Variants in C17orf107 observed in about 807,000 individuals in gnomAD.
The protein encoded by C17orf107 is chromosome 17 open reading frame 107.
A neutral mutation model predicts 8.9 loss-of-function variants in C17orf107; 9 were observed. The ratio of observed to expected loss-of-function variants is 1.02; its 90% CI spans 0.61 to 1.77. C17orf107 has a LOEUF of 1.77. Ranked by LOEUF, C17orf107 falls within the 40% of genes most tolerant of loss-of-function variation. The pLI is 0.00. For missense variants in C17orf107, 281 were observed against 249.0 expected, an observed-to-expected ratio of 1.13 and a Z score of -0.86; for synonymous variants, 139 against 120.3, an observed-to-expected ratio of 1.16 and a Z score of -1.02.
chr17:4,900,586 G>GAGCT lies in C17orf107; in HGVS notation c.*55_*58dup. 6.5e-7 allele frequency: 1 copy of GAGCT among 1,546,574 alleles called. No individual in the cohort carries two copies. The highest frequency in any genetic ancestry group is 1.4e-5 in the African/African-American group (1 of 73,136). Reference sequence around the variant, plus strand: ...CACTGAGCCGGACTGTCCCCCAAGAGAGCTACTCGGGAGACCTCCAGGTGA... The same window carrying GAGCT: ...CACTGAGCCGGACTGTCCCCCAAGAGAGCTAGCTACTCGGGAGACCTCCAGGTGA... On this transcript the variant is annotated 3_prime_UTR_variant, in exon 3 of 3. Transcript: ENST00000381365.
chr17:4,903,926 C>T (rs1056006864), downstream of C17orf107, among the ~76,000 whole-genome samples: 4 of 152,268 alleles, frequency 2.6e-5, no homozygotes, highest in African/African-American at 4.8e-5. Context: ...GGCATGATCT[C>T]GGCTCACTGC....
chr17:4,900,000 T>C lies in C17orf107; in HGVS notation c.131T>C (p.Leu44Pro), dbSNP rs1251350118. 6 of 1,551,392 alleles carry C rather than the reference T, an allele frequency of 3.9e-6. No homozygotes were observed. The highest frequency in any genetic ancestry group is 2.4e-5 in the East Asian group (1 of 40,934). The stretch of plus-strand genomic sequence containing the variant: ...TCCGTGGCCGCAGCCCATGAATATC[T>C]GGAGCAGAGGTTCAGAGAGCTGAAG... ...ELSVAAAHEYLEQRFRELKSL... is the reference protein window; with the variant it reads ...ELSVAAAHEYPEQRFRELKSL... Residue 44 changes from leucine (L) to proline (P), a missense_variant, in exon 2 of 3, where the codon CTG becomes CCG. Leu to Pro is a moderately conservative substitution (Grantham distance 98, BLOSUM62 -3). Coordinates refer to ENST00000381365, the MANE Select transcript of C17orf107 (RefSeq NM_001145536.2).
At position 4,900,583 on chromosome 17, in the gene C17orf107, A is replaced by G; in HGVS notation, c.*50A>G. On this transcript the variant is annotated 3_prime_UTR_variant, in exon 3 of 3. Transcript: ENST00000381365. ...AGGCACTGAGCCGGACTGTCCCCCA[A>G]GAGAGCTACTCGGGAGACCTCCAGG... The G allele has an allele frequency of 6.5e-7, 1 of 1,547,728 alleles. No homozygotes were observed. Among genetic ancestry groups the G allele is most frequent in the Non-Finnish European group, 8.7e-7 (1 of 1,145,282 alleles).
chr17:4,900,953 G>T lies in C17orf107; in HGVS notation c.*420G>T. 1.2e-6 allele frequency: 2 copies of T among 1,613,840 alleles called. No individual in the cohort carries two copies. Among genetic ancestry groups the T allele is most frequent in the Non-Finnish European group, 1.7e-6 (2 of 1,179,752 alleles). On this transcript the variant is annotated 3_prime_UTR_variant, in exon 3 of 3. Transcript: ENST00000381365. ...AGCGGGCCCCGCCTCCCGGGAGCGA[G>T]CCCGGGTTTGGGGGTAGGTTCGGGG...
chr17:4,904,575 C>T (rs1487782097), downstream of C17orf107, among the ~76,000 whole-genome samples: 2 of 152,170 alleles, frequency 1.3e-5, no homozygotes, highest in Non-Finnish European at 2.9e-5. Flanking sequence ...TTCCTCACAG[C>T]AGTCCAGCAA....
rs1367485574 is a variant in C17orf107, at chr17:4,899,791, C to T, written c.29C>T (p.Thr10Ile). 2 of 1,551,320 alleles carry T rather than the reference C, an allele frequency of 1.3e-6. No individual in the cohort carries two copies. The highest frequency in any genetic ancestry group is 2.4e-5 in the South Asian group (2 of 84,062). ...AAGGGGACCCCCAGCTCCCTGGACA[C>T]CCTGATGTGGATCTACCACTTCCAC... MKGTPSSLDTLMWIYHFHSS... is the reference protein window; with the variant it reads MKGTPSSLDILMWIYHFHSS... Residue 10 changes from threonine (T) to isoleucine (I), a missense_variant, in exon 1 of 3, where the codon ACC becomes ATC. Thr to Ile is a moderately conservative substitution (Grantham distance 89, BLOSUM62 -1). Coordinates refer to ENST00000381365, the MANE Select transcript of C17orf107 (RefSeq NM_001145536.2).
downstream of C17orf107, among the ~76,000 whole-genome samples, chr17:4,905,285 A>G (rs370402829): frequency 2.7e-4 from 41 of 152,328 alleles, 1 homozygote; most frequent in East Asian, 7.5e-3. Context: ...ACAGTGGCTC[A>G]TGCCTGTAAT....
At chr17:4,903,628 T>C (rs74828726), downstream of C17orf107, among the ~76,000 whole-genome samples, 652 of 152,170 alleles carry the variant, frequency 4.3e-3, 5 homozygotes, top group African/African-American at 0.014. Flanking sequence ...AGAGATTCCA[T>C]CTAGCAAAGG....
At chr17:4,903,162 C>T (rs528672788), downstream of C17orf107, 44 of 1,220,540 alleles carry the variant, frequency 3.6e-5, no homozygotes, top group Middle Eastern at 4.1e-4. Flanking sequence ...TAGTTCCGGG[C>T]TGTTAGGGGA....
chr17:4,902,944 CTGTCTT>C, downstream of C17orf107: 4 of 1,603,612 alleles, frequency 2.5e-6, no homozygotes, highest in South Asian at 4.4e-5. The surrounding 1 kb of genome is among the most constrained non-coding windows in gnomAD (Gnocchi z 4.0). Context: ...ATCTTGGTCT[CTGTCTT>C]TGTCTTCCCA....
In C17orf107 at chr17:4,901,082, C is replaced by A. The variant is rs201434993; in HGVS notation, c.*549C>A. On this transcript the variant is annotated 3_prime_UTR_variant, in exon 3 of 3. Coordinates refer to ENST00000381365, the MANE Select transcript of C17orf107 (RefSeq NM_001145536.2). ...AATGACGTAGAAGAGCGGCTTCCGG[C>A]GGATGATGAGCGAGTAGATGACGTC... The A allele has an allele frequency of 9.9e-5, 160 of 1,613,702 alleles. No individual in the cohort carries two copies. The highest frequency in any genetic ancestry group is 1.6e-4 in the Middle Eastern group (1 of 6,084).
chr17:4,900,039 C>G lies in C17orf107; in HGVS notation c.170C>G (p.Pro57Arg). 6.4e-7 allele frequency: 1 copy of G among 1,551,384 alleles called. No individual in the cohort carries two copies. Among genetic ancestry groups the G allele is most frequent in the Non-Finnish European group, 8.7e-7 (1 of 1,147,002 alleles). ...RFRELKSLEP[P>R]EPKMQGMLPA... ...AGAGAGCTGAAGTCCCTGGAGCCAC[C>G]CGAACCGAAGATGCAGGGGATGCTG... The change falls in exon 2 of 3, where the codon CCC (proline) becomes CGC (arginine). Residue 57 changes from proline (P) to arginine (R), a missense_variant. Physicochemically the swap from Pro to Arg is moderately radical, Grantham distance 103. Coordinates refer to ENST00000381365, the MANE Select transcript of C17orf107 (RefSeq NM_001145536.2).
chr17:4,906,609 C>A (rs1374011730), downstream of C17orf107, among the ~76,000 whole-genome samples: 1 of 151,996 alleles, frequency 6.6e-6, no homozygotes, highest in African/African-American at 2.4e-5. Flanking sequence ...TTGGTCATCA[C>A]TGGGAGGCTG....
Position 4,902,420 on chromosome 17 carries a change from A to T in C17orf107, c.*1887A>T, listed in dbSNP as rs747504680. 1.9e-5 allele frequency: 31 copies of T among 1,614,046 alleles called. No homozygotes were observed. Among genetic ancestry groups the T allele is most frequent in the Non-Finnish European group, 1.9e-5 (22 of 1,179,982 alleles). ...GGGGAAAAGGGGTGCCCTGGACAAG[A>T]CCTCACACCATTCCCCAGATTTGAC... On this transcript the variant is annotated 3_prime_UTR_variant, in exon 3 of 3. Transcript: ENST00000381365. The surrounding 1 kb of genome is among the most constrained non-coding windows in gnomAD (Gnocchi z 4.0).
chr17:4,901,987 C>A lies in C17orf107; in HGVS notation c.*1454C>A, dbSNP rs1288673136. ...AAGGGGAAGTAGGTGACCTCCACTG[C>A]GCAGACGCTGCGGTAGATGGCCGGA... On this transcript the variant is annotated 3_prime_UTR_variant, in exon 3 of 3. Coordinates refer to ENST00000381365, the MANE Select transcript of C17orf107 (RefSeq NM_001145536.2). 2 of 1,614,114 alleles carry A rather than the reference C, an allele frequency of 1.2e-6. No homozygotes were observed. The highest frequency in any genetic ancestry group is 2.2e-5 in the East Asian group (1 of 44,878).
chr17:4,904,700 C>T (rs2661697), downstream of C17orf107, among the ~76,000 whole-genome samples: 116,208 of 152,106 alleles, frequency 0.76, 45,952 homozygotes, highest in East Asian at 0.91. Flanking sequence ...ATTGATCTCG[C>T]ACACCTGTGT....
chr17:4,900,810 G>T lies in C17orf107; in HGVS notation c.*277G>T, dbSNP rs747224472. On this transcript the variant is annotated 3_prime_UTR_variant, in exon 3 of 3. Transcript: ENST00000381365. Reference sequence around the variant, plus strand: ...GGCTTCACCTGCCCAGGAGCGGCACGCTCAGAGAAGTCTCTGGGATTTTCT... The same window carrying T: ...GGCTTCACCTGCCCAGGAGCGGCACTCTCAGAGAAGTCTCTGGGATTTTCT... The T allele has an allele frequency of 1.9e-6, 3 of 1,613,948 alleles. No individual in the cohort carries two copies. Among genetic ancestry groups the T allele is most frequent in the Non-Finnish European group, 2.5e-6 (3 of 1,179,890 alleles).
In C17orf107 at chr17:4,901,884, GC is replaced by G. The variant is rs113559784; in HGVS notation, c.*1360del. 8.9e-3 allele frequency: 13,504 copies of G among 1,524,752 alleles called. 944 individuals carry two copies. In the African/African-American group the frequency reaches 0.15, roughly 17 times the overall value. 94.5% of individuals were successfully genotyped at this position (1,524,752 alleles called of 1,614,324 possible). A position where few individuals can be genotyped will look rare whatever the true frequency, so the allele number is the denominator to read the frequency against. ...TTCCCGGTTGGCCCCGCCCCATAAGGCCCCCCCCCAACAATAATCGTCCGGG... is the reference window on the plus strand; with the variant it reads ...TTCCCGGTTGGCCCCGCCCCATAAGGCCCCCCCCAACAATAATCGTCCGGG... On this transcript the variant is annotated 3_prime_UTR_variant, in exon 3 of 3. Transcript: ENST00000381365.
chr17:4,903,329 G>A (rs567261642), downstream of C17orf107, among the ~76,000 whole-genome samples: 22 of 152,130 alleles, frequency 1.4e-4, no homozygotes, highest in South Asian at 4.1e-4. Flanking sequence ...AGATGTGGGC[G>A]TCTCCTGAGA....
Sources: allele counts gnomAD v4.1 joint callset (sites outside exome capture counted in the v4.1 genomes callset), GRCh38; gene constraint gnomAD v4.1.1; non-coding constraint Gnocchi (gnomAD v3.1); transcripts MANE v1.5; gene names NCBI Gene and HGNC (gene_info 2026-07-23, HGNC 2026-07-21).